MTERF4: variants seen among roughly 807,000 people sequenced by gnomAD.
MTERF4 encodes the protein transcription termination factor 4, mitochondrial.
MTERF4 carries 17 observed loss-of-function variants against 22.5 expected under a neutral mutation model. That is an observed-to-expected ratio of 0.75 (90% CI 0.52 to 1.13). The LOEUF is 1.13. MTERF4 is among the 50% of genes most tolerant of loss of function. MTERF4 has a pLI of 0.00. For missense variants in MTERF4, 420 were observed against 466.8 expected (o/e 0.90, Z 0.92); for synonymous variants, 165 against 175.3 (o/e 0.94, Z 0.47).
chr2:241,071,073 G>C (rs932643966), downstream of MTERF4, among the ~76,000 whole-genome samples: 3 of 152,232 alleles, frequency 2.0e-5, no homozygotes, highest in African/African-American at 7.2e-5. Flanking sequence ...GTCAGAGTGA[G>C]AGGGAGAGGG....
At chr2:241,048,253 C>T in the MTERF4 span, 145 of 1,499,748 alleles carry the variant, frequency 9.7e-5, no homozygotes, top group East Asian at 3.3e-4. Context: ...TGGAGCTGGG[C>T]GGGGAGACCA....
downstream of MTERF4, chr2:241,088,843 A>T: frequency 4.6e-6 from 1 of 217,146 alleles, no homozygotes; most frequent in Admixed American, 5.5e-5. Context: ...GAGGGCTGAG[A>T]GAGTGCCTCC....
chr2:241,061,854 C>CAA, the MTERF4 span, among the ~76,000 whole-genome samples: 3 of 118,102 alleles, frequency 2.5e-5, no homozygotes, highest in Admixed American at 8.8e-5. Context: ...TCCATCCCCC[C>CAA]AAAAAAAAAA....
exon 5 of MTERF4, chr2:241,074,082 T>G (rs1352893190): frequency 6.6e-6 from 1 of 150,830 alleles, no homozygotes; most frequent in South Asian, 2.1e-4. Context: ...TGTTCTCCCC[T>G]GAGTCATACC....
At chr2:241,070,236 A>C (rs761424411), downstream of MTERF4, 3 of 1,562,464 alleles carry the variant, frequency 1.9e-6, no homozygotes, top group South Asian at 1.2e-5. Flanking sequence ...GGGCGGGGCC[A>C]GTGTTTGCCA....
At chr2:241,056,734 C>A in the MTERF4 span, among the ~76,000 whole-genome samples, 2 of 151,938 alleles carry the variant, frequency 1.3e-5, no homozygotes, top group Non-Finnish European at 2.9e-5. Flanking sequence ...GCGCCCATCA[C>A]CACGCCCGGC....
the MTERF4 span, among the ~76,000 whole-genome samples, chr2:241,054,372 A>G: frequency 6.6e-6 from 1 of 152,242 alleles, no homozygotes; most frequent in Non-Finnish European, 1.5e-5. Context: ...GTTCAAGACC[A>G]GCAAGGGCAA....
the MTERF4 span, among the ~76,000 whole-genome samples, chr2:241,058,999 G>A: frequency 3.3e-5 from 5 of 151,684 alleles, no homozygotes; most frequent in African/African-American, 2.4e-5. Context: ...GACTGATCAG[G>A]AAAAAAAGAG....
the MTERF4 span, among the ~76,000 whole-genome samples, chr2:241,056,667 G>T: frequency 3.7e-5 from 5 of 136,154 alleles, no homozygotes; most frequent in African/African-American, 1.4e-4. Flanking sequence ...TGCAATCTCC[G>T]CCTCCTGGGT....
intron 1 of MTERF4, 86 bp from the exon 2 acceptor site, chr2:241,099,980 C>T (rs764964649): frequency 6.1e-6 from 9 of 1,476,206 alleles, no homozygotes; most frequent in Non-Finnish European, 7.2e-6. Context: ...AGAGTACTTA[C>T]TGCCTTGGTT....
At chr2:241,072,016 T>C (rs754471280), downstream of MTERF4, 17 of 816,912 alleles carry the variant, frequency 2.1e-5, no homozygotes, top group South Asian at 1.4e-4. Context: ...CCACCCCGAC[T>C]GTGCACAAGG....
intron 4 of MTERF4, among the ~76,000 whole-genome samples, chr2:241,078,557 T>G (rs1367421027): frequency 6.6e-6 from 1 of 151,740 alleles, no homozygotes; most frequent in African/African-American, 2.4e-5. Flanking sequence ...CTATGTACTA[T>G]GATTCCATTC....
At chr2:241,083,665 A>G (rs376904679), downstream of MTERF4, among the ~76,000 whole-genome samples, 1 of 152,126 alleles carries the variant, frequency 6.6e-6, no homozygotes, top group Non-Finnish European at 1.5e-5. Context: ...GTGCTTAGTT[A>G]CACCAGTGCC....
the MTERF4 span, chr2:241,062,903 G>A: frequency 5.0e-6 from 8 of 1,584,864 alleles, no homozygotes; most frequent in Non-Finnish European, 6.9e-6. Context: ...ACTGTGAGCT[G>A]GGTAAGAGGG....
At chr2:241,049,574 T>C in the MTERF4 span, among the ~76,000 whole-genome samples, 1 of 152,180 alleles carries the variant, frequency 6.6e-6, no homozygotes, top group African/African-American at 2.4e-5. Context: ...GTATCACAGC[T>C]CAGTCCTGCC....
exon 5 of MTERF4, chr2:241,072,178 C>T (rs557874029): frequency 2.1e-4 from 136 of 635,170 alleles, no homozygotes; most frequent in African/African-American, 2.1e-3. Flanking sequence ...TGAGACATTA[C>T]AGCAGCTTTA....
chr2:241,090,339 A>G (rs1420087646), downstream of MTERF4: 3 of 1,550,322 alleles, frequency 1.9e-6, no homozygotes, highest in African/African-American at 1.4e-5. Flanking sequence ...AGTAACACAC[A>G]TGGAGCTGCC....
chr2:241,087,526 T>C (rs2063644083), downstream of MTERF4: 3 of 1,556,392 alleles, frequency 1.9e-6, no homozygotes, highest in African/African-American at 1.4e-5. Flanking sequence ...GCCCACAGGG[T>C]GATGGGGCAA....
At chr2:241,050,928 C>G in the MTERF4 span, among the ~76,000 whole-genome samples, 2 of 152,222 alleles carry the variant, frequency 1.3e-5, no homozygotes, top group African/African-American at 4.8e-5. Context: ...AGGAACTGCA[C>G]AGCCCTCCCC....
Sources: allele counts gnomAD v4.1 joint callset (sites outside exome capture counted in the v4.1 genomes callset), GRCh38; gene constraint gnomAD v4.1.1; transcripts MANE v1.5; gene names NCBI Gene and HGNC (gene_info 2026-07-23, HGNC 2026-07-21).